PLEKHA4: variants seen among roughly 807,000 people sequenced by gnomAD.
PLEKHA4 encodes the protein pleckstrin homology domain containing A4, also known as pleckstrin homology domain-containing family A member 4.
Under a neutral mutation model 94.7 loss-of-function variants are expected in PLEKHA4, and 73 were observed. The ratio of observed to expected loss-of-function variants is 0.77; its 90% CI spans 0.64 to 0.94. The LOEUF (loss-of-function observed/expected upper bound fraction) is 0.94. Among genes scored for constraint, PLEKHA4 ranks in the 40% least tolerant of loss-of-function variants. The pLI, the probability that PLEKHA4 is intolerant of heterozygous loss-of-function variation, is 0.00. For missense variants in PLEKHA4, 1,049 were observed against 1,054.1 expected, an observed-to-expected ratio of 1.00 and a Z score of 0.07; for synonymous variants, 449 against 437.1, an observed-to-expected ratio of 1.03 and a Z score of -0.34.
chr19:48,850,135 G>A (rs997145813), intron 13 of PLEKHA4, among the ~76,000 whole-genome samples: 20 of 150,984 alleles, frequency 1.3e-4, no homozygotes, highest in African/African-American at 4.6e-4. Context: ...GAACCCGGGA[G>A]GCAGAGGTTG....
At chr19:48,845,296 C>T in intron 16 of PLEKHA4, 74 bp downstream of exon 16, 1 of 1,433,470 alleles carries the variant, frequency 7.0e-7, no homozygotes, top group Admixed American at 1.7e-5. Context: ...ACGCTCTACT[C>T]CTAGCTGTTT....
At position 48,854,017 on chromosome 19, in the gene PLEKHA4, T is replaced by G; in HGVS notation, c.1166A>C (p.Gln389Pro). 6.2e-7 allele frequency: 1 copy of G among 1,614,152 alleles called. No individual in the cohort carries two copies. Among genetic ancestry groups the G allele is most frequent in the South Asian group, 1.1e-5 (1 of 91,082 alleles). The change falls in exon 11 of 20, where the codon CAG becomes CCG. Residue 389 changes from glutamine (Q) to proline (P), a missense_variant. Transcript: ENST00000263265. The stretch of plus-strand genomic sequence containing the variant: ...CCCAGGGCCCCGCACCTTCTCCTCC[T>G]GCTTCTGGTCTATCTCCTCCTGCAG... ...RRLQEEIDQK[Q>P]EEKEQLEAAL...
chr19:48,864,745 A>C (rs1446587673), intron 3 of PLEKHA4, among the ~76,000 whole-genome samples: 1 of 151,132 alleles, frequency 6.6e-6, no homozygotes, highest in Non-Finnish European at 1.5e-5. Flanking sequence ...GTGTGTGTGT[A>C]TTTGTTGTTG....
chr19:48,854,034 C>T lies in PLEKHA4; in HGVS notation c.1149G>A (p.Glu383=), dbSNP rs1599899411. The T allele has an allele frequency of 1.9e-6, 3 of 1,614,144 alleles. No individual in the cohort carries two copies. The highest frequency in any genetic ancestry group is 1.7e-6 in the Non-Finnish European group (2 of 1,180,018). Residue 383 remains glutamate (E), a synonymous_variant, in exon 11 of 20, where the codon GAG becomes GAA. Coordinates refer to ENST00000263265, the MANE Select transcript of PLEKHA4 (RefSeq NM_020904.3). ...TCTCCTCCTGCTTCTGGTCTATCTC[C>T]TCCTGCAGCCTCCGCAGAAGCCGGT... ...GQDRLLRRLQ[E]EIDQKQEEKE...
rs1189300737 is a variant in PLEKHA4, at chr19:48,837,194, G to A, written c.*95C>T. On this transcript the variant is annotated 3_prime_UTR_variant, in exon 20 of 20. Transcript: ENST00000263265. The surrounding 1 kb of genome is among the most constrained non-coding windows in gnomAD (Gnocchi z 4.3). Reference sequence around the variant, plus strand: ...CCTCCCGGGCCCGCAATGGGGACCAGACCACGCCCCCTGATGCCCTGAGTG... The same window carrying A: ...CCTCCCGGGCCCGCAATGGGGACCAAACCACGCCCCCTGATGCCCTGAGTG... 6 of 1,583,778 alleles carry A rather than the reference G, an allele frequency of 3.8e-6. No homozygotes were observed. In the South Asian group the frequency reaches 5.6e-5, roughly 15 times the overall value.
At chr19:48,866,566 T>C (rs996049704) in intron 2 of PLEKHA4, among the ~76,000 whole-genome samples, 1 of 152,094 alleles carries the variant, frequency 6.6e-6, no homozygotes, top group Non-Finnish European at 1.5e-5. Context: ...CTCAGCCTCT[T>C]AAAGTGCTGG....
At chr19:48,850,547 G>A (rs1173767765) in intron 13 of PLEKHA4, among the ~76,000 whole-genome samples, 2 of 152,144 alleles carry the variant, frequency 1.3e-5, no homozygotes, top group African/African-American at 4.8e-5. Flanking sequence ...GCTGTGTGCG[G>A]TGGCTCACGC....
In PLEKHA4 at chr19:48,858,804, A is replaced by G. The variant is rs1599917002; in HGVS notation, c.972+56T>C. 1.9e-6 allele frequency: 3 copies of G among 1,595,678 alleles called. No homozygotes were observed. In the South Asian group the frequency reaches 3.3e-5, roughly 18 times the overall value. On this transcript the variant is annotated intron_variant, in intron 8 of 19. Transcript: ENST00000263265. ...GCAATGGCCTTGAGAATACGGAAAG[A>G]CAGCCCTGAGGCCTGATGGGAAACG...
intron 13 of PLEKHA4, 89 bp downstream of exon 13, chr19:48,852,139 T>A (rs1300665506): frequency 1.9e-6 from 2 of 1,040,514 alleles, no homozygotes; most frequent in Non-Finnish European, 3.0e-6. Context: ...GGGGCCTCGA[T>A]TCTGTGGGCG....
In PLEKHA4 at chr19:48,841,110, T is replaced by A. The variant is rs545598355; in HGVS notation, c.1905+39A>T. 4.4e-6 allele frequency: 7 copies of A among 1,584,798 alleles called. No homozygotes were observed. In the African/African-American group the frequency reaches 6.7e-5, roughly 15 times the overall value. On this transcript the variant is annotated intron_variant, in intron 17 of 19. Coordinates refer to ENST00000263265, the MANE Select transcript of PLEKHA4 (RefSeq NM_020904.3). ...CTCAAAGTAGGCGAAGAGGACCTAC[T>A]ACCACCCCACCGCCCAGCCCCAGCC...
chr19:48,865,530 C>T lies in PLEKHA4; in HGVS notation c.165G>A (p.Val55=). 6.2e-7 allele frequency: 1 copy of T among 1,614,046 alleles called. No homozygotes were observed. Among genetic ancestry groups the T allele is most frequent in the Non-Finnish European group, 8.5e-7 (1 of 1,179,988 alleles). ...NALRRDPNLP[V]HIRGWLHKQD... ...GCTTATGAAGCCAGCCTCGGATGTG[C>T]ACGGGAAGGTTGGGATCCCTCCTGA... The change falls in exon 3 of 20, where the codon GTG becomes GTA. Residue 55 remains valine, a synonymous_variant. Coordinates refer to ENST00000263265, the MANE Select transcript of PLEKHA4 (RefSeq NM_020904.3).
At position 48,852,290 on chromosome 19, in the gene PLEKHA4, C is replaced by T; in HGVS notation, c.1363G>A (p.Glu455Lys). Residue 455 changes from glutamate to lysine, a missense_variant, in exon 13 of 20, where the codon GAG becomes AAG. Physicochemically the swap from Glu to Lys is moderately conservative, Grantham distance 56. Transcript: ENST00000263265. ...TCTCTTAAGGTGCCCAGCTCCTGCT[C>T]CAGGCCACTGTACGTGTCCCAAACC... ...ERVWDTYSGL[E>K]QELGTLRETL... is the part of the protein sequence containing the mutation. 6.2e-7 allele frequency: 1 copy of T among 1,614,070 alleles called. No homozygotes were observed. The highest frequency in any genetic ancestry group is 8.5e-7 in the Non-Finnish European group (1 of 1,180,020).
At chr19:48,849,751 G>C (rs2036108440) in intron 13 of PLEKHA4, among the ~76,000 whole-genome samples, 1 of 152,204 alleles carries the variant, frequency 6.6e-6, no homozygotes. Flanking sequence ...TGGAACTCCA[G>C]AGGATAAATT....
chr19:48,844,123 TTATTATTATTATTATTATTATTA>T, intron 16 of PLEKHA4, among the ~76,000 whole-genome samples: 1 of 16,810 alleles, frequency 5.9e-5, no homozygotes, highest in South Asian at 1.1e-3. Flanking sequence ...ATTTATTTTA[TTATTATTATTATTATTATTATTA>T]TTATTATTAT....
Position 48,859,087 on chromosome 19 carries a change from G to A in PLEKHA4, c.745C>T (p.Arg249Cys), listed in dbSNP as rs2036538822. Residue 249 changes from arginine to cysteine, a missense_variant, in exon 8 of 20, where the codon CGT (arginine) becomes TGT (cysteine). Coordinates refer to ENST00000263265, the MANE Select transcript of PLEKHA4 (RefSeq NM_020904.3). ...GGGGGTCGCCGCGCAGGGGCAGAAC[G>A]GGGACGGGGGAGGCTCAGAGGCGAG... is the stretch of plus-strand genomic sequence containing the variant. ...PPSPLSLPRPRSAPARRPPAP... is the reference protein window; with the variant it reads ...PPSPLSLPRPCSAPARRPPAP... 6.8e-7 allele frequency: 1 copy of A among 1,481,430 alleles called. No individual in the cohort carries two copies. Among genetic ancestry groups the A allele is most frequent in the Non-Finnish European group, 9.0e-7 (1 of 1,110,602 alleles). 91.8% of individuals were successfully genotyped at this position (1,481,430 alleles called of 1,614,324 possible).
intron 16 of PLEKHA4, among the ~76,000 whole-genome samples, chr19:48,841,867 G>A (rs1023777747): frequency 2.0e-5 from 3 of 152,136 alleles, no homozygotes; most frequent in African/African-American, 7.2e-5. Flanking sequence ...GATCACTTAA[G>A]CCCAGGAGTT....
chr19:48,866,144 T>C (rs1380644566), intron 2 of PLEKHA4, among the ~76,000 whole-genome samples: 2 of 151,822 alleles, frequency 1.3e-5, no homozygotes, highest in Admixed American at 6.6e-5. Flanking sequence ...TGGAGTGCAG[T>C]AGCCTAAACA....
intron 18 of PLEKHA4, among the ~76,000 whole-genome samples, chr19:48,838,690 C>T (rs1338543314): frequency 1.3e-5 from 2 of 150,652 alleles, no homozygotes; most frequent in Non-Finnish European, 2.9e-5. Flanking sequence ...TCATTTGAAC[C>T]CAGAAGGCGG....
chr19:48,844,804 C>CTTTTT (rs149141709), intron 16 of PLEKHA4, among the ~76,000 whole-genome samples: 2 of 70,808 alleles, frequency 2.8e-5, no homozygotes, highest in Admixed American at 1.9e-4. Context: ...CTCAGGGTGT[C>CTTTTT]TTTTTTTTTT....
Sources: allele counts gnomAD v4.1 joint callset (sites outside exome capture counted in the v4.1 genomes callset), GRCh38; gene constraint gnomAD v4.1.1; non-coding constraint Gnocchi (gnomAD v3.1); transcripts MANE v1.5; gene names NCBI Gene and HGNC (gene_info 2026-07-23, HGNC 2026-07-21).